The following DNAJC18 variants were observed in gnomAD, a reference collection of about 807,000 sequenced individuals.
DNAJC18 encodes the protein DnaJ heat shock protein family (Hsp40) member C18.
A neutral mutation model predicts 48.6 loss-of-function variants in DNAJC18; 40 were observed. That is an observed-to-expected ratio of 0.82 (90% CI 0.64 to 1.07). The LOEUF (loss-of-function observed/expected upper bound fraction) is 1.07. Among genes scored for constraint, DNAJC18 ranks in the 50% least tolerant of loss-of-function variants. The pLI, the probability that DNAJC18 is intolerant of heterozygous loss-of-function variation, is 0.00. For missense variants in DNAJC18, 340 were observed against 427.7 expected (o/e 0.79, Z 1.81); for synonymous variants, 135 against 152.2 (o/e 0.89, Z 0.83).
intron 7 of DNAJC18, chr5:139,419,223 C>G: frequency 2.3e-6 from 1 of 438,034 alleles, no homozygotes; most frequent in Non-Finnish European, 4.5e-6. Context: ...TTTTAGAAGA[C>G]ACAGTCACTA....
At chr5:139,426,926 C>T (rs1320785578) in intron 3 of DNAJC18, among the ~76,000 whole-genome samples, 1 of 152,118 alleles carries the variant, frequency 6.6e-6, no homozygotes, top group Non-Finnish European at 1.5e-5. Context: ...TGCTGCATTG[C>T]CCAGACTAGT....
Position 139,426,374 on chromosome 5 carries a change from C to G in DNAJC18, c.374-17G>C, listed in dbSNP as rs1172225369. On this transcript the variant is annotated splice_polypyrimidine_tract_variant and intron_variant, in intron 3 of 7. Coordinates refer to ENST00000302060, the MANE Select transcript of DNAJC18 (RefSeq NM_152686.4). Reference sequence around the variant, plus strand: ...TTCCTATTGCTGCAACCAACAAGAACCAGCACATGAGGACACAGTCTTTGC... The same window carrying G: ...TTCCTATTGCTGCAACCAACAAGAAGCAGCACATGAGGACACAGTCTTTGC... The G allele has an allele frequency of 6.2e-7, 1 of 1,613,028 alleles. No individual in the cohort carries two copies. Among genetic ancestry groups the G allele is most frequent in the East Asian group, 2.2e-5 (1 of 44,874 alleles).
At chr5:139,415,562 G>A (rs1251531100) in intron 7 of DNAJC18, among the ~76,000 whole-genome samples, 2 of 152,192 alleles carry the variant, frequency 1.3e-5, no homozygotes, top group African/African-American at 4.8e-5. Context: ...GCTTGGTGAG[G>A]GTGCCTGCAG....
intron 2 of DNAJC18, among the ~76,000 whole-genome samples, chr5:139,435,705 G>GATTTTTTTTTTTTT (rs1750627891): frequency 2.4e-5 from 1 of 41,194 alleles, no homozygotes; most frequent in African/African-American, 1.1e-4. Flanking sequence ...TTCATTGGAA[G>GATTTTTTTTTTTTT]TTTTTTTTTT....
chr5:139,419,141 A>G (rs1247498109), intron 7 of DNAJC18: 3 of 451,150 alleles, frequency 6.6e-6, no homozygotes, highest in East Asian at 6.9e-5. Context: ...CTTTTTAAAC[A>G]TGAGCCAAAA....
chr5:139,411,361 G>GC lies in DNAJC18; in HGVS notation c.*2786dup, dbSNP rs914262616. 5 of 152,222 alleles carry GC rather than the reference G, an allele frequency of 3.3e-5. No homozygotes were observed. Among genetic ancestry groups the GC allele is most frequent in the African/African-American group, 1.2e-4 (5 of 41,460 alleles). The allele number at this position is 152,222 out of a possible 1,614,324, so 9.4% of individuals were successfully genotyped here. A position where few individuals can be genotyped will look rare whatever the true frequency, so the allele number is the denominator to read the frequency against. The stretch of plus-strand genomic sequence containing the variant: ...CTTGAGCCTCAAGCCCTATTTCTGA[G>GC]CGCTGCTCCTCTCACACACGTCTCC... On this transcript the variant is annotated 3_prime_UTR_variant, in exon 8 of 8. Coordinates refer to ENST00000302060, the MANE Select transcript of DNAJC18 (RefSeq NM_152686.4).
intron 4 of DNAJC18, among the ~76,000 whole-genome samples, chr5:139,425,847 T>C (rs1759232159): frequency 6.6e-6 from 1 of 152,242 alleles, no homozygotes; most frequent in African/African-American, 2.4e-5. Context: ...TTGTAAGTGC[T>C]ATTTTACACA....
intron 7 of DNAJC18, chr5:139,418,904 A>G (rs183518945): frequency 1.2e-4 from 56 of 455,042 alleles, no homozygotes; most frequent in Non-Finnish European, 1.3e-4. Context: ...GGAGACTGAC[A>G]TATATCCCTG....
chr5:139,435,704 A>ATTTTTTTTTT (rs1561470246), intron 2 of DNAJC18, among the ~76,000 whole-genome samples: 1 of 20,126 alleles, frequency 5.0e-5, no homozygotes, highest in Non-Finnish European at 1.2e-4. Context: ...CTTCATTGGA[A>ATTTTTTTTTT]GTTTTTTTTT....
intron 2 of DNAJC18, among the ~76,000 whole-genome samples, chr5:139,432,393 G>A (rs1381354711): frequency 6.6e-6 from 1 of 152,126 alleles, no homozygotes; most frequent in African/African-American, 2.4e-5. Flanking sequence ...TTGAACTCCT[G>A]ACCTTGTGAT....
intron 6 of DNAJC18, among the ~76,000 whole-genome samples, chr5:139,420,574 G>C (rs1242383117): frequency 1.4e-5 from 2 of 147,000 alleles, no homozygotes; most frequent in Non-Finnish European, 3.0e-5. Context: ...GACAGAGTAG[G>C]CTATTATAAA....
chr5:139,416,772 C>T (rs1759074007), intron 7 of DNAJC18, among the ~76,000 whole-genome samples: 1 of 152,288 alleles, frequency 6.6e-6, no homozygotes, highest in Non-Finnish European at 1.5e-5. Flanking sequence ...CTGCCTGCTA[C>T]CTTCGTCCAG....
Position 139,414,151 on chromosome 5 carries a change from G to C in DNAJC18, c.1074C>G (p.Gly358=). 1 of 1,613,096 alleles carries C rather than the reference G, an allele frequency of 6.2e-7. No individual in the cohort carries two copies. Among genetic ancestry groups the C allele is most frequent in the Non-Finnish European group, 8.5e-7 (1 of 1,179,682 alleles). The part of the protein sequence containing the change: ...LSKLIGLRRG[G] ...CCTGCGTAGGACCATTATCCTCTCA[G>C]CCACCTCTGCGTAGGCCAATGAGTT... is the stretch of plus-strand genomic sequence containing the variant. The change falls in exon 8 of 8, where the codon GGC becomes GGG. Residue 358 remains glycine (G), a synonymous_variant. Transcript: ENST00000302060.
In DNAJC18 at chr5:139,414,082, A is replaced by G. The variant is rs1303161245; in HGVS notation, c.*66T>C. ...TCATTACCTAGTTTTGTATTATAAA[A>G]TGGAATCAGGAACATAAATAGGAAC... On this transcript the variant is annotated 3_prime_UTR_variant, in exon 8 of 8. Coordinates refer to ENST00000302060, the MANE Select transcript of DNAJC18 (RefSeq NM_152686.4). 7 of 1,570,174 alleles carry G rather than the reference A, an allele frequency of 4.5e-6. No individual in the cohort carries two copies. The highest frequency in any genetic ancestry group is 1.2e-5 in the South Asian group (1 of 83,868).
rs950489500 is a variant in DNAJC18, at chr5:139,439,102, A to AC, written c.40+303dup. ...TAGCAAGCTGCGGAGAGACCGCAGC[A>AC]CCCCACGGGCCCTCCAGTCACCTTG... is the stretch of plus-strand genomic sequence containing the variant. On this transcript the variant is annotated intron_variant, in intron 1 of 7. Coordinates refer to ENST00000302060, the MANE Select transcript of DNAJC18 (RefSeq NM_152686.4). This position sits in a 1 kb window ranked among gnomAD's most constrained non-coding sequence, Gnocchi z 4.1. Among the ~76,000 whole-genome samples, 4 of 148,392 alleles carry AC rather than the reference A, an allele frequency of 2.7e-5. No homozygotes were observed. The highest frequency in any genetic ancestry group is 1.0e-4 in the African/African-American group (4 of 40,080).
intron 6 of DNAJC18, 22 bp downstream of exon 6, chr5:139,422,679 TGAGAAAG>T (rs1399672782): frequency 2.0e-6 from 3 of 1,514,284 alleles, no homozygotes; most frequent in Non-Finnish European, 2.7e-6. Context: ...AGACTGTTAC[TGAGAAAG>T]ATTTAGAAAT....
intron 2 of DNAJC18, among the ~76,000 whole-genome samples, chr5:139,429,009 T>C (rs765380434): frequency 1.3e-5 from 2 of 152,074 alleles, no homozygotes; most frequent in Non-Finnish European, 2.9e-5. Context: ...GAAGAAACAG[T>C]TAATCACCCT....
chr5:139,426,671 TCAC>T (rs1053093247), intron 3 of DNAJC18, among the ~76,000 whole-genome samples: 3 of 152,176 alleles, frequency 2.0e-5, no homozygotes, highest in African/African-American at 7.2e-5. Context: ...GGGTTCCCAG[TCAC>T]CACAAGTCCC....
chr5:139,418,953 C>T (rs1561997923), intron 7 of DNAJC18: 1 of 433,482 alleles, frequency 2.3e-6, no homozygotes, highest in Non-Finnish European at 4.7e-6. Context: ...TGTTAGCAGG[C>T]TGAACAAAGT....
Sources: gnomAD v4.1 joint callset for allele counts (sites outside exome capture counted in the v4.1 genomes callset) on GRCh38, gnomAD v4.1.1 for gene constraint, Gnocchi (gnomAD v3.1) non-coding constraint, MANE v1.5 for transcripts, NCBI Gene and HGNC (gene_info 2026-07-23, HGNC 2026-07-21) for gene names.